The following PCM1 variants were observed in gnomAD, a reference collection of about 807,000 sequenced individuals.
PCM1 encodes the protein pericentriolar material 1 protein.
PCM1 carries 157 observed loss-of-function variants against 241.9 expected under a neutral mutation model. The observed-to-expected ratio is 0.65, with a 90% confidence interval of 0.57 to 0.74. PCM1 has a LOEUF of 0.74. PCM1 is among the 30% of genes least tolerant of loss of function. The pLI, the probability that PCM1 is intolerant of heterozygous loss-of-function variation, is 0.00. For missense variants in PCM1, 3,478 were observed against 2,360.1 expected, an observed-to-expected ratio of 1.47 and a Z score of -9.81; for synonymous variants, 1,085 against 784.9, an observed-to-expected ratio of 1.38 and a Z score of -6.39.
At position 18,011,239 on chromosome 8, in the gene PCM1, C is replaced by G. The variant is rs1301124584; in HGVS notation, c.5223C>G (p.Asp1741Glu). Residue 1741 changes from aspartate to glutamate, a missense_variant and splice_region_variant, in exon 33 of 39, where the codon GAC (aspartate) becomes GAG (glutamate). Transcript: ENST00000325083. Reference protein sequence around the residue: ...PAGEIDDEDKDKDETETVKQT... With the variant: ...PAGEIDDEDKEKDETETVKQT... ...TACTCAAATATTTTTGTGTCTAGGA[C>G]AAGGATGAAACTGAAACAGTTAAGC... 6.3e-7 allele frequency: 1 copy of G among 1,598,898 alleles called. No homozygotes were observed. The highest frequency in any genetic ancestry group is 8.5e-7 in the Non-Finnish European group (1 of 1,172,564).
At chr8:17,947,409 C>A in intron 7 of PCM1, 46 bp downstream of exon 7, 1 of 1,355,600 alleles carries the variant, frequency 7.4e-7, no homozygotes, top group Non-Finnish European at 1.0e-6. Context: ...AAGACTCATA[C>A]ATAATTGTAT....
intron 10 of PCM1, 144 bp from the exon 11 acceptor site, chr8:17,956,460 G>C (rs2129461460): frequency 1.7e-6 from 1 of 597,666 alleles, no homozygotes; most frequent in Non-Finnish European, 2.9e-6. Flanking sequence ...TTATTTTACA[G>C]TCATACCCCC....
chr8:17,952,869 T>C, intron 8 of PCM1, 101 bp from the exon 9 acceptor site: 3 of 744,704 alleles, frequency 4.0e-6, no homozygotes, highest in South Asian at 4.0e-5. Flanking sequence ...CTAGCAAATA[T>C]TTCTTTCTCT....
In PCM1 at chr8:17,980,759, T is replaced by C; in HGVS notation, c.4108+4T>C. 6.3e-7 allele frequency: 1 copy of C among 1,596,450 alleles called. No individual in the cohort carries two copies. The highest frequency in any genetic ancestry group is 1.1e-5 in the South Asian group (1 of 89,470). On this transcript the variant is annotated splice_donor_region_variant and intron_variant, in intron 24 of 38. Coordinates refer to ENST00000325083, the MANE Select transcript of PCM1 (RefSeq NM_006197.4). ...AGGTCTACAGAAATATCTTCAGGTA[T>C]GTTCTTTTTTGGTTTGCATTAATAT... is the stretch of plus-strand genomic sequence containing the variant.
rs200999734 is a variant in PCM1, at chr8:18,014,714, G to A, written c.5715G>A (p.Pro1905=). 2.5e-5 allele frequency: 40 copies of A among 1,613,216 alleles called. No homozygotes were observed. In the East Asian group the frequency reaches 5.6e-4, roughly 23 times the overall value. ...VDSTQQPNPL[P]LRLPEMEPLV... Reference sequence around the variant, plus strand: ...CAACTCAACAGCCTAACCCTTTGCCGTTACGTTTACCTGAAATGGAACCCT... The same window carrying A: ...CAACTCAACAGCCTAACCCTTTGCCATTACGTTTACCTGAAATGGAACCCT... The change falls in exon 36 of 39, where the codon CCG becomes CCA. Residue 1905 remains proline, a synonymous_variant. Transcript: ENST00000325083.
chr8:18,007,166 T>C (rs2091565437), intron 30 of PCM1, among the ~76,000 whole-genome samples: 1 of 152,242 alleles, frequency 6.6e-6, no homozygotes, highest in African/African-American at 2.4e-5. Flanking sequence ...TTCAGTGATG[T>C]GTATTTTTAC....
chr8:17,993,007 C>G (rs972710449), intron 28 of PCM1, among the ~76,000 whole-genome samples: 1 of 146,180 alleles, frequency 6.8e-6, no homozygotes, highest in Non-Finnish European at 1.5e-5. Flanking sequence ...TTGTCAGATG[C>G]GTAGTTTACA....
chr8:17,971,712 C>T (rs1587382542), intron 22 of PCM1, among the ~76,000 whole-genome samples: 1 of 152,164 alleles, frequency 6.6e-6, no homozygotes, highest in African/African-American at 2.4e-5. Context: ...ACTTTTGGGT[C>T]TTGTATATCC....
chr8:17,954,466 T>C (rs2067284380), intron 9 of PCM1, among the ~76,000 whole-genome samples: 1 of 151,074 alleles, frequency 6.6e-6, no homozygotes, highest in Non-Finnish European at 1.5e-5. Context: ...CAACTTAACA[T>C]GTGAAAGTTG....
At chr8:17,985,904 T>A in intron 25 of PCM1, 55 bp from the exon 26 acceptor site, 3 of 1,175,732 alleles carry the variant, frequency 2.6e-6, no homozygotes, top group Non-Finnish European at 3.5e-6. Context: ...GTAATATAAA[T>A]GAATGATTAA....
chr8:17,974,781 CT>C (rs1311709455), intron 23 of PCM1, among the ~76,000 whole-genome samples: 1 of 151,528 alleles, frequency 6.6e-6, no homozygotes, highest in African/African-American at 2.4e-5. Flanking sequence ...ATAAAAATAC[CT>C]GCTGTTTGAA....
chr8:18,012,420 A>T (rs2092647170), intron 34 of PCM1, among the ~76,000 whole-genome samples: 1 of 152,186 alleles, frequency 6.6e-6, no homozygotes, highest in Non-Finnish European at 1.5e-5. Context: ...AGTTATTGTT[A>T]ATCTCTCACT....
intron 21 of PCM1, among the ~76,000 whole-genome samples, chr8:17,969,088 T>TTTCCTG (rs2076024035): frequency 6.6e-6 from 1 of 151,874 alleles, no homozygotes. Flanking sequence ...TTGGTAAGTA[T>TTTCCTG]TTAATTATAT....
At chr8:17,975,485 A>C (rs1294755161) in intron 23 of PCM1, among the ~76,000 whole-genome samples, 3 of 152,046 alleles carry the variant, frequency 2.0e-5, no homozygotes, top group Non-Finnish European at 4.4e-5. Flanking sequence ...ATCTTAAAGG[A>C]AGTGGTAAAT....
intron 13 of PCM1, 101 bp from the exon 14 acceptor site, chr8:17,959,913 C>A: frequency 2.6e-6 from 3 of 1,139,416 alleles, no homozygotes; most frequent in Non-Finnish European, 3.7e-6. Context: ...CTGCTTTAAT[C>A]TTTTTATGTA....
At chr8:17,956,808 C>T in intron 11 of PCM1, 31 bp downstream of exon 11, 2 of 1,524,656 alleles carry the variant, frequency 1.3e-6, no homozygotes, top group Non-Finnish European at 9.0e-7. Flanking sequence ...GTTTTTCCAG[C>T]ATATTCATTC....
intron 23 of PCM1, among the ~76,000 whole-genome samples, chr8:17,975,455 G>A (rs1371637317): frequency 6.6e-6 from 1 of 152,064 alleles, no homozygotes; most frequent in Non-Finnish European, 1.5e-5. Context: ...GAGCCACAGC[G>A]CCCGACCAAT....
intron 12 of PCM1, 42 bp from the exon 13 acceptor site, chr8:17,957,493 TCTTTC>T (rs2069134941): frequency 6.2e-7 from 1 of 1,605,502 alleles, no homozygotes; most frequent in Non-Finnish European, 8.5e-7. Context: ...TCATGTGTGC[TCTTTC>T]CTTTAAAAGT....
chr8:17,963,244 T>C lies in PCM1; in HGVS notation c.2607T>C (p.Ser869=). The C allele has an allele frequency of 6.2e-7, 1 of 1,613,420 alleles. No homozygotes were observed. Among genetic ancestry groups the C allele is most frequent in the Non-Finnish European group, 8.5e-7 (1 of 1,179,696 alleles). The change falls in exon 17 of 39, where the codon AGT becomes AGC. Residue 869 remains serine, a synonymous_variant. Transcript: ENST00000325083. Reference sequence around the variant, plus strand: ...CTCCAGTGGCTGTGTCATTGAGAAGTGATGGATCTGAGAACCTATGTACTC... The same window carrying C: ...CTCCAGTGGCTGTGTCATTGAGAAGCGATGGATCTGAGAACCTATGTACTC... ...TASPVAVSLR[S]DGSENLCTPQ...
Sources: gnomAD v4.1 joint callset for allele counts (sites outside exome capture counted in the v4.1 genomes callset) on GRCh38, gnomAD v4.1.1 for gene constraint, MANE v1.5 for transcripts, NCBI Gene and HGNC (gene_info 2026-07-23, HGNC 2026-07-21) for gene names.